CR1: variants seen among roughly 807,000 people sequenced by gnomAD.
CR1 encodes the protein complement receptor type 1.
CR1 carries 116 observed loss-of-function variants against 187.3 expected under a neutral mutation model. That is an observed-to-expected ratio of 0.62 (90% CI 0.53 to 0.72). The LOEUF is 0.72. CR1 is among the 30% of genes least tolerant of loss of function. The pLI is 0.00. For synonymous variants in CR1, 576 were observed against 747.1 expected, an observed-to-expected ratio of 0.77 and a Z score of 3.73; for missense variants, 1,731 against 2,110.7, an observed-to-expected ratio of 0.82 and a Z score of 3.52.
Position 207,567,921 on chromosome 1 carries a change from C to T in CR1, c.4050C>T (p.Cys1350=), listed in dbSNP as rs374989718. ...FPFGKAVNYT[C]DPHPDRGTSF... ...TTGGAAAAGCAGTAAATTACACATG[C>T]GACCCCCACCCAGACAGAGGGACGA... is the stretch of plus-strand genomic sequence containing the variant. Residue 1350 remains cysteine (C), a synonymous_variant, in exon 25 of 47, where the codon TGC becomes TGT. Transcript: ENST00000367049. 2.1e-5 allele frequency: 34 copies of T among 1,610,524 alleles called. 1 individual carries two copies. Among genetic ancestry groups the T allele is most frequent in the African/African-American group, 9.7e-5 (7 of 72,074 alleles).
chr1:207,496,379 G>C lies in CR1; in HGVS notation c.112G>C (p.Val38Leu). Residue 38 changes from valine (V) to leucine (L), a missense_variant, in exon 1 of 47, where the codon GTG becomes CTG. By Grantham distance (32) the Val-to-Leu change is conservative. Transcript: ENST00000367049. ...GGTTGTGGTGCTGCTTGCGCTGCCG[G>C]TGGCCTGGGGTGAGAGGCGGGCGGG... ...LAVVVLLALP[V>L]AWGQCNAPEW... 2 of 1,609,980 alleles carry C rather than the reference G, an allele frequency of 1.2e-6. No homozygotes were observed. Among genetic ancestry groups the C allele is most frequent in the Middle Eastern group, 2.0e-4 (1 of 5,026 alleles).
At chr1:207,586,660 T>A (rs1167350625) in intron 33 of CR1, among the ~76,000 whole-genome samples, 3 of 152,244 alleles carry the variant, frequency 2.0e-5, no homozygotes, top group African/African-American at 7.2e-5. Context: ...CATCTGCTGC[T>A]GGTTCCTGGG....
chr1:207,613,175 G>C (rs1317104567), intron 39 of CR1, among the ~76,000 whole-genome samples: 1 of 152,138 alleles, frequency 6.6e-6, no homozygotes, highest in Non-Finnish European at 1.5e-5. Flanking sequence ...GAGGAGGGTG[G>C]AGAAGAGTTT....
At chr1:207,518,403 G>C (rs1043771892) in intron 4 of CR1, among the ~76,000 whole-genome samples, 17 of 152,190 alleles carry the variant, frequency 1.1e-4, no homozygotes, top group African/African-American at 3.9e-4. Context: ...ATGTGGTTTA[G>C]AACAGTCTTT....
At chr1:207,596,601 C>T (rs915917309) in intron 35 of CR1, among the ~76,000 whole-genome samples, 6 of 151,448 alleles carry the variant, frequency 4.0e-5, no homozygotes, top group Admixed American at 3.3e-4. Flanking sequence ...GCAACAAGAG[C>T]GAAACTCTGT....
chr1:207,523,536 G>C, intron 4 of CR1, 75 bp from the exon 5 acceptor site: 7 of 1,589,922 alleles, frequency 4.4e-6, no homozygotes, highest in Non-Finnish European at 6.0e-6. Flanking sequence ...AATAGCTATA[G>C]TTTAGTGACT....
At chr1:207,624,533 A>G (rs1662422519) in intron 45 of CR1, among the ~76,000 whole-genome samples, 1 of 152,230 alleles carries the variant, frequency 6.6e-6, no homozygotes, top group Non-Finnish European at 1.5e-5. Flanking sequence ...CAAAGATGCC[A>G]ATATACTTTT....
chr1:207,622,118 T>A (rs553571119), intron 44 of CR1, 122 bp downstream of exon 44: 1 of 648,334 alleles, frequency 1.5e-6, no homozygotes, highest in East Asian at 3.4e-5. Flanking sequence ...GATCAAAATA[T>A]CTTCAGTTGT....
rs1190044442 is a variant in CR1 at position 207,617,501 on chromosome 1, ATATATATG to A, written c.6890-568_6890-561del. On this transcript the variant is annotated intron_variant, in intron 41 of 46. Coordinates refer to ENST00000367049, the MANE Select transcript of CR1 (RefSeq NM_000651.6). ...ACTTAAAGTATATATATATATATATATATATATGTGTGTGTGTGTGTGTGTGTGTGTGT... is the reference window on the plus strand; with the variant it reads ...ACTTAAAGTATATATATATATATATATGTGTGTGTGTGTGTGTGTGTGTGT... Among the ~76,000 whole-genome samples the A allele has an allele frequency of 1.6e-4, 9 of 56,418 alleles. 1 individual carries two copies. Among genetic ancestry groups the A allele is most frequent in the African/African-American group, 2.6e-4 (4 of 15,268 alleles). 37.0% of individuals were successfully genotyped at this position (56,418 alleles called of 152,430 possible).
chr1:207,581,993 T>C lies in CR1; in HGVS notation c.5292T>C (p.Pro1764=). The part of the protein sequence containing the change: ...GMRSLWNNSV[P]VCEHIFCPNP... ...GAAGCCTTTGGAATAACAGTGTTCCTGTGTGTGAACGTGAGTAGATGGAAT... is the reference window on the plus strand; with the variant it reads ...GAAGCCTTTGGAATAACAGTGTTCCCGTGTGTGAACGTGAGTAGATGGAAT... Residue 1764 remains proline, a synonymous_variant, in exon 32 of 47, where the codon CCT becomes CCC. Coordinates refer to ENST00000367049, the MANE Select transcript of CR1 (RefSeq NM_000651.6). 6.2e-7 allele frequency: 1 copy of C among 1,611,038 alleles called. No individual in the cohort carries two copies. Among genetic ancestry groups the C allele is most frequent in the Non-Finnish European group, 8.5e-7 (1 of 1,177,572 alleles).
intron 46 of CR1, among the ~76,000 whole-genome samples, chr1:207,637,267 G>A (rs1389796272): frequency 6.6e-6 from 1 of 152,164 alleles, no homozygotes; most frequent in East Asian, 1.9e-4. Flanking sequence ...ACTCACTTGT[G>A]CACTGGGACA....
chr1:207,586,506 G>A (rs1661116208), intron 33 of CR1, among the ~76,000 whole-genome samples: 1 of 152,204 alleles, frequency 6.6e-6, no homozygotes. Context: ...TCCTAGGGCT[G>A]CTGTAACAAA....
At chr1:207,636,943 A>G (rs575165518) in intron 46 of CR1, among the ~76,000 whole-genome samples, 3 of 152,346 alleles carry the variant, frequency 2.0e-5, no homozygotes, top group African/African-American at 7.2e-5. Context: ...TTTAATAACT[A>G]TATTTCCTAC....
At chr1:207,505,642 C>A (rs563708335) in intron 1 of CR1, among the ~76,000 whole-genome samples, 2 of 152,104 alleles carry the variant, frequency 1.3e-5, no homozygotes, top group Admixed American at 1.3e-4. Flanking sequence ...CGAGACCAGC[C>A]TGGCCAACAT....
At chr1:207,621,131 TG>T (rs1662303180) in intron 43 of CR1, among the ~76,000 whole-genome samples, 1 of 151,932 alleles carries the variant, frequency 6.6e-6, no homozygotes, top group Admixed American at 6.6e-5. Context: ...AAAAATTAGC[TG>T]GTCGTGGTGG....
Position 207,564,936 on chromosome 1 carries a change from A to G in CR1, c.3866+702A>G, listed in dbSNP as rs747844135. ...ATCATTTCAGTAAATTCTTTAAACCATCAACAGTGAAATTTGTAATAGGAC... is the reference window on the plus strand; with the variant it reads ...ATCATTTCAGTAAATTCTTTAAACCGTCAACAGTGAAATTTGTAATAGGAC... On this transcript the variant is annotated intron_variant, in intron 23 of 46. Transcript: ENST00000367049. 2.7e-5 allele frequency among the ~76,000 whole-genome samples: 4 copies of G among 150,468 alleles called. 1 individual carries two copies. The highest frequency in any genetic ancestry group is 1.9e-4 in the East Asian group (1 of 5,200).
intron 4 of CR1, among the ~76,000 whole-genome samples, chr1:207,512,343 T>C (rs1339669924): frequency 6.6e-6 from 1 of 152,178 alleles, no homozygotes; most frequent in Non-Finnish European, 1.5e-5. Flanking sequence ...AGTATATCCA[T>C]ACACTGGCAT....
At chr1:207,579,874 G>A (rs1660881499) in intron 29 of CR1, among the ~76,000 whole-genome samples, 1 of 152,168 alleles carries the variant, frequency 6.6e-6, no homozygotes, top group Non-Finnish European at 1.5e-5. Context: ...TTAGGGGCAT[G>A]CCTGTCCCGA....
At chr1:207,639,314 C>T (rs753327793) in intron 46 of CR1, 83 bp from the exon 47 acceptor site, 11 of 1,310,116 alleles carry the variant, frequency 8.4e-6, no homozygotes, top group Non-Finnish European at 1.2e-5. Flanking sequence ...TAGAAAATAT[C>T]CAAAGCTTAT....
Sources: gnomAD v4.1 joint callset for allele counts (sites outside exome capture counted in the v4.1 genomes callset) on GRCh38, gnomAD v4.1.1 for gene constraint, MANE v1.5 for transcripts, NCBI Gene and HGNC (gene_info 2026-07-23, HGNC 2026-07-21) for gene names.